Variants in TG observed in about 807,000 individuals in gnomAD.
TG encodes thyroid hormones.
In TG, 270 loss-of-function variants were observed where a neutral mutation model predicts 324.7. The ratio of observed to expected loss-of-function variants is 0.83; its 90% CI spans 0.75 to 0.92. TG has a LOEUF of 0.92. TG is among the 40% of genes least tolerant of loss of function. The probability of loss-of-function intolerance (pLI) is 0.00; values close to 1 mark genes in which losing one functional copy is unlikely to be tolerated. For missense variants in TG, 3,591 were observed against 3,456.4 expected (o/e 1.04, Z -0.98); for synonymous variants, 1,401 against 1,327.0 (o/e 1.06, Z -1.21).
At chr8:132,877,668 G>A (rs1814018559) in intron 5 of TG, among the ~76,000 whole-genome samples, 1 of 152,160 alleles carries the variant, frequency 6.6e-6, no homozygotes, top group Non-Finnish European at 1.5e-5. Flanking sequence ...GTCTAGGTTG[G>A]CTGTAATCTG....
intron 41 of TG, among the ~76,000 whole-genome samples, chr8:133,068,620 A>T (rs2131400815): frequency 6.6e-6 from 1 of 152,292 alleles, no homozygotes; most frequent in Admixed American, 6.5e-5. Flanking sequence ...AGGGCTGTGC[A>T]CACCCTGCAG....
At chr8:133,028,059 C>G (rs1232563255) in intron 40 of TG, among the ~76,000 whole-genome samples, 18 of 152,310 alleles carry the variant, frequency 1.2e-4, no homozygotes, top group Admixed American at 4.6e-4. Flanking sequence ...CCTCTGACCT[C>G]TCAGAAGTCT....
At chr8:132,950,835 A>T (rs1299665501) in intron 27 of TG, among the ~76,000 whole-genome samples, 1 of 152,124 alleles carries the variant, frequency 6.6e-6, no homozygotes, top group African/African-American at 2.4e-5. Context: ...AATAGAAATG[A>T]CTTATGTAGC....
At chr8:132,951,175 G>A (rs1162929178) in intron 27 of TG, among the ~76,000 whole-genome samples, 1 of 152,056 alleles carries the variant, frequency 6.6e-6, no homozygotes, top group African/African-American at 2.4e-5. Context: ...ATTGTTTTCT[G>A]TCATATTTTA....
chr8:133,111,363 C>G (rs1435020598), intron 43 of TG, among the ~76,000 whole-genome samples: 1 of 152,182 alleles, frequency 6.6e-6, no homozygotes, highest in African/African-American at 2.4e-5. Flanking sequence ...GCCCAATTCA[C>G]CTTGTTATTT....
chr8:132,985,321 C>T (rs752074631), intron 35 of TG, among the ~76,000 whole-genome samples: 15 of 152,070 alleles, frequency 9.9e-5, no homozygotes, highest in Non-Finnish European at 1.9e-4. Context: ...AAATGCCACA[C>T]CATTTTGTAT....
intron 9 of TG, among the ~76,000 whole-genome samples, chr8:132,887,781 C>G (rs1815638191): frequency 6.6e-6 from 1 of 152,190 alleles, no homozygotes; most frequent in Non-Finnish European, 1.5e-5. Context: ...TTCTGCAGTG[C>G]TGATCACCAA....
At chr8:132,900,396 T>C in intron 15 of TG, 57 bp downstream of exon 15, 1 of 1,517,130 alleles carries the variant, frequency 6.6e-7, no homozygotes, top group East Asian at 2.3e-5. Context: ...GCACTGAGCG[T>C]GGAGTCCAAA....
intron 45 of TG, among the ~76,000 whole-genome samples, chr8:133,124,021 T>C (rs1851340513): frequency 6.6e-6 from 1 of 152,218 alleles, no homozygotes; most frequent in Non-Finnish European, 1.5e-5. Context: ...GCTGGAAGAA[T>C]CCAAATTGGA....
chr8:132,928,141 T>C lies in TG; in HGVS notation c.4700-935T>C, dbSNP rs111868276. On this transcript the variant is annotated intron_variant, in intron 22 of 47. Coordinates refer to ENST00000220616, the MANE Select transcript of TG (RefSeq NM_003235.5). ...AATAAACATTTTTTTTCTGCACTTATTATGAAAGCTGAGAAAAAATCACTT... is the reference window on the plus strand; with the variant it reads ...AATAAACATTTTTTTTCTGCACTTACTATGAAAGCTGAGAAAAAATCACTT... Among the ~76,000 whole-genome samples, 74 of 152,332 alleles carry C rather than the reference T, an allele frequency of 4.9e-4. 1 individual carries two copies. The highest frequency in any genetic ancestry group is 5.4e-4 in the Non-Finnish European group (37 of 68,032).
At chr8:132,917,182 C>T (rs1405007369) in intron 20 of TG, among the ~76,000 whole-genome samples, 1 of 151,928 alleles carries the variant, frequency 6.6e-6, no homozygotes, top group Non-Finnish European at 1.5e-5. Flanking sequence ...AACAAAGCTC[C>T]AATCTCAAGG....
At chr8:133,130,950 C>T (rs764994913) in intron 45 of TG, among the ~76,000 whole-genome samples, 11 of 152,150 alleles carry the variant, frequency 7.2e-5, no homozygotes, top group Non-Finnish European at 1.3e-4. Flanking sequence ...CCCTATTAAC[C>T]CTGGGCCTCC....
chr8:132,986,926 T>A (rs1831632044), intron 35 of TG, among the ~76,000 whole-genome samples: 1 of 152,206 alleles, frequency 6.6e-6, no homozygotes, highest in African/African-American at 2.4e-5. Flanking sequence ...AATTTATAGA[T>A]AAAGAGTGTT....
At chr8:133,052,811 T>C (rs902998306) in intron 41 of TG, among the ~76,000 whole-genome samples, 2 of 152,146 alleles carry the variant, frequency 1.3e-5, no homozygotes, top group African/African-American at 4.8e-5. Flanking sequence ...GGCGTATGAT[T>C]TGTTTGGCTT....
At chr8:132,895,535 A>G (rs1339150407) in intron 11 of TG, among the ~76,000 whole-genome samples, 2 of 152,276 alleles carry the variant, frequency 1.3e-5, no homozygotes, top group Non-Finnish European at 2.9e-5. Flanking sequence ...TGCGTGGCAC[A>G]GTGCCTGACA....
chr8:132,907,169 T>G (rs1818809632), intron 17 of TG, among the ~76,000 whole-genome samples: 1 of 152,152 alleles, frequency 6.6e-6, no homozygotes, highest in Non-Finnish European at 1.5e-5. Flanking sequence ...TCCAACTTTC[T>G]TGGGATGTCT....
chr8:133,077,069 C>T lies in TG; in HGVS notation c.7240-17975C>T, dbSNP rs74572539. On this transcript the variant is annotated intron_variant, in intron 41 of 47. Transcript: ENST00000220616. The stretch of plus-strand genomic sequence containing the variant: ...GTGCTACTTTGCACAGGTGGCCAGT[C>T]GTGGGGTGGATGGGCTCTCTCTAGA... Among the ~76,000 whole-genome samples, 595 of 152,114 alleles carry T rather than the reference C, an allele frequency of 3.9e-3. 4 individuals are homozygous for T. The highest frequency in any genetic ancestry group is 0.014 in the African/African-American group (567 of 41,472).
At chr8:133,133,349 CT>C (rs1852090559) in intron 46 of TG, 120 bp from the exon 47 acceptor site, 10 of 1,042,548 alleles carry the variant, frequency 9.6e-6, no homozygotes, top group Non-Finnish European at 1.3e-5. Flanking sequence ...CACATGCAGC[CT>C]TGACACCTAC....
intron 41 of TG, among the ~76,000 whole-genome samples, chr8:133,091,400 T>G (rs1055241102): frequency 6.6e-6 from 1 of 152,140 alleles, no homozygotes; most frequent in Non-Finnish European, 1.5e-5. Flanking sequence ...CAGAGGACCC[T>G]CTGACACATG....
Sources: gnomAD v4.1 joint callset for allele counts (sites outside exome capture counted in the v4.1 genomes callset) on GRCh38, gnomAD v4.1.1 for gene constraint, MANE v1.5 for transcripts, NCBI Gene and HGNC (gene_info 2026-07-23, HGNC 2026-07-21) for gene names.